The following KIF1A variants were observed in gnomAD, a reference collection of about 807,000 sequenced individuals.
The protein encoded by KIF1A is kinesin family member 1A.
In KIF1A, 46 loss-of-function variants were observed where a neutral mutation model predicts 227.3. The ratio of observed to expected loss-of-function variants is 0.20; its 90% CI spans 0.16 to 0.26. KIF1A has a LOEUF of 0.26. KIF1A is among the 10% of genes least tolerant of loss of function. The pLI, the probability that KIF1A is intolerant of heterozygous loss-of-function variation, is 1.00. For synonymous variants in KIF1A, 1,022 were observed against 1,012.8 expected (o/e 1.01, Z -0.17); for missense variants, 1,683 against 2,485.9 (o/e 0.68, Z 6.87).
intron 47 of KIF1A, 37 bp downstream of exon 47, chr2:240,718,969 T>C (rs947735589): frequency 6.5e-7 from 1 of 1,550,054 alleles, no homozygotes; most frequent in African/African-American, 1.4e-5. Flanking sequence ...CCTGCTAGGG[T>C]TCCTGGTGCC....
rs533867046 is a variant in KIF1A, at chr2:240,789,904, C to T, written c.107-592G>A. ...AGTCCCAGGCACCCTGGGCTGGCTTCAGGCAGTGCTCACAGAATATCTGTT... is the reference window on the plus strand; with the variant it reads ...AGTCCCAGGCACCCTGGGCTGGCTTTAGGCAGTGCTCACAGAATATCTGTT... On this transcript the variant is annotated intron_variant, in intron 2 of 48. Transcript: ENST00000498729. This position sits in a 1 kb window ranked among gnomAD's most constrained non-coding sequence, Gnocchi z 4.8. 2.0e-5 allele frequency among the ~76,000 whole-genome samples: 3 copies of T among 152,320 alleles called. No homozygotes were observed. The highest frequency in any genetic ancestry group is 7.2e-5 in the African/African-American group (3 of 41,584).
At position 240,763,336 on chromosome 2, in the gene KIF1A, G is replaced by A; in HGVS notation, c.1779C>T (p.Ile593=). The A allele has an allele frequency of 1.3e-6, 2 of 1,579,446 alleles. No individual in the cohort carries two copies. The highest frequency in any genetic ancestry group is 1.7e-6 in the Non-Finnish European group (2 of 1,163,436). The part of the protein sequence containing the change: ...EPSILRSGNR[I]IMGKSHVFRF... ...GGAACACATGGCTCTTACCCATGAT[G>A]ATGCGGTTTCCTGGGGAACAGAGGG... Residue 593 remains isoleucine (I), a synonymous_variant, in exon 21 of 49, where the codon ATC becomes ATT. Transcript: ENST00000498729.
rs1559530796 is a variant in KIF1A at position 240,787,244 on chromosome 2, G to A, written c.429+7C>T. 6.2e-7 allele frequency: 1 copy of A among 1,611,740 alleles called. No homozygotes were observed. The highest frequency in any genetic ancestry group is 8.5e-7 in the Non-Finnish European group (1 of 1,178,438). On this transcript the variant is annotated splice_region_variant and intron_variant, in intron 5 of 48. Transcript: ENST00000498729. ...CCCAGCGGCCAACGGCAGGCGGGGAGCCCTACCTCCACGGAGTAGGACATG... is the reference window on the plus strand; with the variant it reads ...CCCAGCGGCCAACGGCAGGCGGGGAACCCTACCTCCACGGAGTAGGACATG...
At position 240,796,115 on chromosome 2, in the gene KIF1A, C is replaced by T. The variant is rs185454653; in HGVS notation, c.106+1532G>A. Among the ~76,000 whole-genome samples, 18 of 152,312 alleles carry T rather than the reference C, an allele frequency of 1.2e-4. No individual in the cohort carries two copies. In the South Asian group the frequency reaches 3.1e-3, roughly 26 times the overall value. On this transcript the variant is annotated intron_variant, in intron 2 of 48. Coordinates refer to ENST00000498729, the MANE Select transcript of KIF1A (RefSeq NM_001244008.2). ...TGGAACAGGCGTCCTCTGCCCACCCCGGGCCACAGTGCTCACCAGAGGTCA... is the reference window on the plus strand; with the variant it reads ...TGGAACAGGCGTCCTCTGCCCACCCTGGGCCACAGTGCTCACCAGAGGTCA...
At chr2:240,764,902 C>T (rs530103170) in intron 20 of KIF1A, among the ~76,000 whole-genome samples, 60 of 150,998 alleles carry the variant, frequency 4.0e-4, no homozygotes, top group Middle Eastern at 3.5e-3. Context: ...CACCCTGCCC[C>T]GAGTTCCCAG....
In KIF1A at chr2:240,767,360, G is replaced by A. The variant is rs760557226; in HGVS notation, c.1498-15C>T. ...AGGTGTGGTGTCTGCAGGGAGACAG[G>A]AGGATCATCTCTCTTGCAGAGGGGC... On this transcript the variant is annotated splice_polypyrimidine_tract_variant and intron_variant, in intron 17 of 48. Transcript: ENST00000498729. 3 of 1,607,034 alleles carry A rather than the reference G, an allele frequency of 1.9e-6. No individual in the cohort carries two copies. Among genetic ancestry groups the A allele is most frequent in the Non-Finnish European group, 1.7e-6 (2 of 1,174,080 alleles).
chr2:240,777,879 C>G (rs2052986200), intron 10 of KIF1A, among the ~76,000 whole-genome samples: 1 of 152,228 alleles, frequency 6.6e-6, no homozygotes, highest in South Asian at 2.1e-4. Context: ...GTCACTGTCC[C>G]TCGCAGGGTC....
At position 240,741,394 on chromosome 2, in the gene KIF1A, G is replaced by A; in HGVS notation, c.3641-17C>T. The A allele has an allele frequency of 1.3e-6, 2 of 1,523,604 alleles. No individual in the cohort carries two copies. Among genetic ancestry groups the A allele is most frequent in the Non-Finnish European group, 1.8e-6 (2 of 1,135,034 alleles). 94.4% of individuals were successfully genotyped at this position (1,523,604 alleles called of 1,614,324 possible). On this transcript the variant is annotated splice_polypyrimidine_tract_variant and intron_variant, in intron 34 of 48. Transcript: ENST00000498729. The stretch of plus-strand genomic sequence containing the variant: ...TGGCGGGCACTGTAGGGACAGGAGG[G>A]AGGCATGCATGGATGGGAGACCTGA...
In KIF1A at chr2:240,726,855, T is replaced by C. The variant is rs1181848204; in HGVS notation, c.4093A>G (p.Ile1365Val). Residue 1365 changes from isoleucine to valine, a missense_variant, in exon 39 of 49, where the codon ATC (isoleucine) becomes GTC (valine). Physicochemically the swap from Ile to Val is conservative, Grantham distance 29. This residue lies in a region of KIF1A where 759 missense variants were observed against 1,020.2 expected (regional missense o/e 0.74). Transcript: ENST00000498729. The surrounding 1 kb of genome is among the most constrained non-coding windows in gnomAD (Gnocchi z 5.2). ...ATATAAGCGGAGAGTGTCATGTAGA[T>C]TTTCTCTCGATAAGGGGTGACCCGG... ...LNRVTPYREK[I>V]YMTLSAYIEM... 1.2e-6 allele frequency: 2 copies of C among 1,611,902 alleles called. No homozygotes were observed. The highest frequency in any genetic ancestry group is 1.7e-6 in the Non-Finnish European group (2 of 1,179,056).
rs2060194 is a variant in KIF1A at position 240,727,001 on chromosome 2, G to A, written c.4008-61C>T. 0.21 allele frequency: 206,542 copies of A among 991,576 alleles called. 22,513 individuals carry two copies. The highest frequency in any genetic ancestry group is 0.25 in the African/African-American group (15,534 of 62,392). 61.4% of individuals were successfully genotyped at this position (991,576 alleles called of 1,614,324 possible). A position where few individuals can be genotyped will look rare whatever the true frequency, so the allele number is the denominator to read the frequency against. On this transcript the variant is annotated intron_variant, in intron 38 of 48. Coordinates refer to ENST00000498729, the MANE Select transcript of KIF1A (RefSeq NM_001244008.2). ...CGTGGGGGCTGCTTTCAGCCAGGCC[G>A]GGGACATGCAGACAGACAGAGCGAC...
rs41266979 is a variant in KIF1A, at chr2:240,745,610, G to A, written c.3375-93C>T. ...CCACCTCACACGAGGGCGCTGGGGC[G>A]TTCAGGGCCTGCGGGCTGGGCCAAC... On this transcript the variant is annotated intron_variant, in intron 31 of 48. Coordinates refer to ENST00000498729, the MANE Select transcript of KIF1A (RefSeq NM_001244008.2). The A allele has an allele frequency of 0.049, 72,430 of 1,471,682 alleles. 1,963 individuals are homozygous for A. Among genetic ancestry groups the A allele is most frequent in the Non-Finnish European group, 0.056 (60,499 of 1,075,734 alleles). 91.2% of individuals were successfully genotyped at this position (1,471,682 alleles called of 1,614,324 possible). A position where few individuals can be genotyped will look rare whatever the true frequency, so the allele number is the denominator to read the frequency against.
Position 240,786,483 on chromosome 2 carries a change from C to T in KIF1A, c.460G>A (p.Val154Ile). 2 of 1,613,486 alleles carry T rather than the reference C, an allele frequency of 1.2e-6. No individual in the cohort carries two copies. The highest frequency in any genetic ancestry group is 1.7e-6 in the Non-Finnish European group (2 of 1,179,740). Reference sequence around the variant, plus strand: ...TTCTTGGGGTTCAGGAGGTCACGGACGCGCTCACAGTAAATCTCCATGTAG... The same window carrying T: ...TTCTTGGGGTTCAGGAGGTCACGGATGCGCTCACAGTAAATCTCCATGTAG... ...VSYMEIYCER[V>I]RDLLNPKNKG... Residue 154 changes from valine to isoleucine, a missense_variant, in exon 6 of 49, where the codon GTC becomes ATC. Val to Ile is a conservative substitution (Grantham distance 29). Coordinates refer to ENST00000498729, the MANE Select transcript of KIF1A (RefSeq NM_001244008.2).
At chr2:240,750,681 C>G in intron 27 of KIF1A, 134 bp from the exon 28 acceptor site, 1 of 675,280 alleles carries the variant, frequency 1.5e-6, no homozygotes. Flanking sequence ...ACAGGACAGC[C>G]AAGGCCAGGA....
At chr2:240,730,110 C>A (rs1342074473) in intron 38 of KIF1A, among the ~76,000 whole-genome samples, 1 of 152,216 alleles carries the variant, frequency 6.6e-6, no homozygotes, top group Non-Finnish European at 1.5e-5. Context: ...TCCCCCTATG[C>A]CCCTCAAGCC....
At chr2:240,798,673 A>C (rs2056666693) in intron 1 of KIF1A, among the ~76,000 whole-genome samples, 1 of 152,228 alleles carries the variant, frequency 6.6e-6, no homozygotes, top group Non-Finnish European at 1.5e-5. Flanking sequence ...AACAGTGACG[A>C]AGCAGCCACT....
rs1165150540 is a variant in KIF1A at position 240,725,796 on chromosome 2, C to T, written c.4123-392G>A. 5.8e-6 allele frequency: 1 copy of T among 173,822 alleles called. No homozygotes were observed. Among genetic ancestry groups the T allele is most frequent in the Non-Finnish European group, 1.2e-5 (1 of 82,448 alleles). 10.8% of individuals were successfully genotyped at this position (173,822 alleles called of 1,614,324 possible). A position where few individuals can be genotyped will look rare whatever the true frequency, so the allele number is the denominator to read the frequency against. On this transcript the variant is annotated intron_variant, in intron 39 of 48. Transcript: ENST00000498729. This position sits in a 1 kb window ranked among gnomAD's most constrained non-coding sequence, Gnocchi z 5.8. Reference sequence around the variant, plus strand: ...TTGAATGTGCACATTTTAACCCAAACACCACAGAAAATGACTTCCTGGTGG... The same window carrying T: ...TTGAATGTGCACATTTTAACCCAAATACCACAGAAAATGACTTCCTGGTGG...
chr2:240,733,020 G>A (rs2046927106), intron 38 of KIF1A, among the ~76,000 whole-genome samples: 1 of 133,814 alleles, frequency 7.5e-6, no homozygotes, highest in Non-Finnish European at 1.6e-5. Context: ...GGGGGAATGA[G>A]GGAGGGATGA....
rs947464416 is a variant in KIF1A, at chr2:240,752,581, G to A, written c.2859-2034C>T. Among the ~76,000 whole-genome samples, 4 of 152,128 alleles carry A rather than the reference G, an allele frequency of 2.6e-5. No homozygotes were observed. Among genetic ancestry groups the A allele is most frequent in the African/African-American group, 9.7e-5 (4 of 41,418 alleles). ...GGTGGGGAGAGCCAGAACTTGGGCC[G>A]CCAGACAGCACGGCTCTTCCCCGTG... On this transcript the variant is annotated intron_variant, in intron 27 of 48. Coordinates refer to ENST00000498729, the MANE Select transcript of KIF1A (RefSeq NM_001244008.2). This position sits in a 1 kb window ranked among gnomAD's most constrained non-coding sequence, Gnocchi z 6.4.
At position 240,770,961 on chromosome 2, in the gene KIF1A, G is replaced by A. The variant is rs371980136; in HGVS notation, c.1341+10C>T. 1.2e-6 allele frequency: 2 copies of A among 1,609,004 alleles called. No homozygotes were observed. The highest frequency in any genetic ancestry group is 1.3e-5 in the African/African-American group (1 of 74,846). On this transcript the variant is annotated intron_variant, in intron 15 of 48. Transcript: ENST00000498729. ...GTCTGACACCCTGAAGCCCCAGGTG[G>A]TGCCCTCACCTTCAGTCTTTCAATG...
Sources: gnomAD v4.1 joint callset for allele counts (sites outside exome capture counted in the v4.1 genomes callset) on GRCh38, gnomAD v4.1.1 for gene constraint, gnomAD v4.1.1 regional missense constraint, Gnocchi (gnomAD v3.1) non-coding constraint, MANE v1.5 for transcripts, NCBI Gene and HGNC (gene_info 2026-07-23, HGNC 2026-07-21) for gene names.